The following BOC variants were observed in gnomAD, a reference collection of about 807,000 sequenced individuals.
The protein encoded by BOC is brother of CDO.
BOC carries 76 observed loss-of-function variants against 112.0 expected under a neutral mutation model. The observed-to-expected ratio is 0.68, with a 90% CI of 0.56 to 0.82. BOC has a LOEUF of 0.82. Among genes scored for constraint, BOC ranks in the 40% least tolerant of loss-of-function variants. The pLI is 0.00. For missense variants in BOC, 1,309 were observed against 1,511.7 expected, an observed-to-expected ratio of 0.87 and a Z score of 2.22; for synonymous variants, 580 against 599.8, an observed-to-expected ratio of 0.97 and a Z score of 0.48.
At chr3:113,276,016 C>G (rs1238700557) in intron 9 of BOC, among the ~76,000 whole-genome samples, 2 of 152,246 alleles carry the variant, frequency 1.3e-5, no homozygotes, top group East Asian at 1.9e-4. Context: ...AGGCAGCCAG[C>G]AAAGCGGGTG....
intron 14 of BOC, 65 bp downstream of exon 14, chr3:113,280,728 A>G (rs963073276): frequency 1.5e-6 from 2 of 1,337,932 alleles, no homozygotes; most frequent in African/African-American, 2.9e-5. Context: ...CATGGGGGAC[A>G]AGGTATTGGT....
In BOC at chr3:113,250,840, C is replaced by T. The variant is rs374478220; in HGVS notation, c.376+7C>T. ...GCCACTGTGACACTAGCCAGTGAGT[C>T]TGCTCCTTTGCCTCCCTGCCATGGT... On this transcript the variant is annotated splice_region_variant and intron_variant, in intron 4 of 19. Coordinates refer to ENST00000682979, the MANE Select transcript of BOC (RefSeq NM_001378074.1). 13 of 1,612,888 alleles carry T rather than the reference C, an allele frequency of 8.1e-6. No homozygotes were observed. The highest frequency in any genetic ancestry group is 1.1e-5 in the Non-Finnish European group (13 of 1,180,030).
intron 2 of BOC, among the ~76,000 whole-genome samples, chr3:113,222,672 C>G (rs1023587475): frequency 6.6e-6 from 1 of 152,170 alleles, no homozygotes; most frequent in African/African-American, 2.4e-5. Flanking sequence ...GCTTTGTGCA[C>G]AGCACTGTGC....
intron 2 of BOC, among the ~76,000 whole-genome samples, chr3:113,218,176 C>T (rs935973291): frequency 1.2e-4 from 18 of 152,316 alleles, no homozygotes; most frequent in South Asian, 8.3e-4. Context: ...ACCGGCTGGC[C>T]GTGGAGGCCT....
chr3:113,249,038 T>C (rs1197872130), intron 2 of BOC, among the ~76,000 whole-genome samples: 1 of 152,150 alleles, frequency 6.6e-6, no homozygotes, highest in African/African-American at 2.4e-5. Flanking sequence ...GGCTGGCTTA[T>C]GACTTTGGGC....
intron 2 of BOC, among the ~76,000 whole-genome samples, chr3:113,230,016 TTTA>T (rs1403969243): frequency 2.0e-5 from 3 of 152,208 alleles, no homozygotes; most frequent in African/African-American, 4.8e-5. Flanking sequence ...ATTGTTATAT[TTTA>T]AAGTATCCCC....
rs1468378402 is a variant in BOC, at chr3:113,286,788, C to G, written c.3274C>G (p.Gln1092Glu). ...GCACCCCGTAGGGGCCTACGTAGGA[C>G]AGGAACCTGGAATGCAGCTCTCCCC... ...PQHPVGAYVG[Q>E]EPGMQLSPGP... The change falls in exon 20 of 20, where the codon CAG (glutamine) becomes GAG (glutamate). Residue 1092 changes from glutamine (Q) to glutamate (E), a missense_variant. Physicochemically the swap from Gln to Glu is conservative, Grantham distance 29. Transcript: ENST00000682979. 1 of 1,613,088 alleles carries G rather than the reference C, an allele frequency of 6.2e-7. No individual in the cohort carries two copies. The highest frequency in any genetic ancestry group is 8.5e-7 in the Non-Finnish European group (1 of 1,179,630).
rs1945511314 is a variant in BOC, at chr3:113,250,713, A to G, written c.256A>G (p.Ile86Val). The change falls in exon 4 of 20, where the codon ATC becomes GTC. Residue 86 changes from isoleucine to valine, a missense_variant. Physicochemically the swap from Ile to Val is conservative, Grantham distance 29 (BLOSUM62 3). Transcript: ENST00000682979. Reference protein sequence around the residue: ...NGSDDALGVLITHGTLVITAL... With the variant: ...NGSDDALGVLVTHGTLVITAL... ...CTCGGATGATGCTCTGGGTGTCCTC[A>G]TCACCCACGGGACCCTCGTCATCAC... 1 of 1,613,970 alleles carries G rather than the reference A, an allele frequency of 6.2e-7. No homozygotes were observed. Among genetic ancestry groups the G allele is most frequent in the African/African-American group, 1.3e-5 (1 of 74,884 alleles).
At chr3:113,285,221 C>T (rs987872152) in intron 18 of BOC, 151 bp from the exon 19 acceptor site, 3 of 679,754 alleles carry the variant, frequency 4.4e-6, no homozygotes, top group Non-Finnish European at 7.7e-6. Flanking sequence ...GGTGTGGTAC[C>T]TCTTGATGTT....
intron 2 of BOC, among the ~76,000 whole-genome samples, chr3:113,222,786 C>T (rs1042925768): frequency 6.6e-6 from 1 of 152,188 alleles, no homozygotes; most frequent in South Asian, 2.1e-4. Flanking sequence ...TGTGCCTGGG[C>T]CATCCACTTT....
chr3:113,250,009 T>C (rs573625249), intron 3 of BOC, 110 bp downstream of exon 3: 1 of 895,564 alleles, frequency 1.1e-6, no homozygotes, highest in Admixed American at 2.4e-5. Context: ...AAGAACACTT[T>C]ATTCCCATTG....
At chr3:113,250,164 G>T (rs1029298396) in intron 3 of BOC, among the ~76,000 whole-genome samples, 1 of 152,226 alleles carries the variant, frequency 6.6e-6, no homozygotes, top group African/African-American at 2.4e-5. Context: ...TGCACTTACT[G>T]TACAGTGTCA....
At chr3:113,258,207 C>T (rs1252341302) in intron 4 of BOC, among the ~76,000 whole-genome samples, 1 of 152,034 alleles carries the variant, frequency 6.6e-6, no homozygotes, top group African/African-American at 2.4e-5. Flanking sequence ...CTTTAAAAAC[C>T]AAATTCAGCT....
chr3:113,227,098 ATT>A (rs1375492608), intron 2 of BOC, among the ~76,000 whole-genome samples: 2 of 151,846 alleles, frequency 1.3e-5, no homozygotes, highest in Non-Finnish European at 2.9e-5. Context: ...GATGGTCTCT[ATT>A]ATTATCATCA....
At chr3:113,280,971 T>C in intron 14 of BOC, 60 bp from the exon 15 acceptor site, 2 of 1,596,364 alleles carry the variant, frequency 1.3e-6, no homozygotes, top group Admixed American at 1.7e-5. Flanking sequence ...GACTATGAGA[T>C]TGGGATCAAG....
intron 19 of BOC, 87 bp downstream of exon 19, chr3:113,285,652 A>G: frequency 7.6e-7 from 1 of 1,312,398 alleles, no homozygotes; most frequent in Non-Finnish European, 1.0e-6. Flanking sequence ...ACAGTCTTCA[A>G]AGGTGGGGCT....
chr3:113,236,294 A>ATATATATATATACCCATGGG (rs1553726919), intron 2 of BOC, among the ~76,000 whole-genome samples: 3 of 98,916 alleles, frequency 3.0e-5, no homozygotes, highest in African/African-American at 1.5e-4. Context: ...ATATATATAT[A>ATATATATATATACCCATGGG]TATATATATA....
chr3:113,249,144 A>G (rs1945305435), intron 2 of BOC, among the ~76,000 whole-genome samples: 3 of 152,102 alleles, frequency 2.0e-5, no homozygotes, highest in Non-Finnish European at 4.4e-5. Flanking sequence ...CTAGGCATAG[A>G]GCTGGGGTGA....
rs1338102608 is a variant in BOC, at chr3:113,284,524, C to A, written c.2846C>A (p.Pro949Gln). The A allele has an allele frequency of 3.1e-6, 5 of 1,613,906 alleles. No homozygotes were observed. The highest frequency in any genetic ancestry group is 4.2e-6 in the Non-Finnish European group (5 of 1,179,868). ...RGCPSAAVGY[P>Q]GMKPQQHCPG... ...TGCCCCTCGGCTGCAGTGGGCTACC[C>A]GGGCATGAAGCCCCAGCAGCACTGC... is the stretch of plus-strand genomic sequence containing the variant. Residue 949 changes from proline (P) to glutamine (Q), a missense_variant, in exon 17 of 20, where the codon CCG becomes CAG. Pro to Gln is a moderately conservative substitution (Grantham distance 76). Coordinates refer to ENST00000682979, the MANE Select transcript of BOC (RefSeq NM_001378074.1).
Sources: allele counts gnomAD v4.1 joint callset (sites outside exome capture counted in the v4.1 genomes callset), GRCh38; gene constraint gnomAD v4.1.1; transcripts MANE v1.5; gene names NCBI Gene and HGNC (gene_info 2026-07-23, HGNC 2026-07-21).